Variants in LCORL observed in about 807,000 individuals in gnomAD.
LCORL encodes ligand dependent nuclear receptor corepressor like.
In LCORL, 41 loss-of-function variants were observed where a neutral mutation model predicts 141.8. That is an observed-to-expected ratio of 0.29 (90% CI 0.23 to 0.38). The LOEUF is 0.38. LCORL is among the 10% of genes least tolerant of loss of function. The probability of loss-of-function intolerance (pLI) is 1.00; values close to 1 mark genes in which losing one functional copy is unlikely to be tolerated. For missense variants in LCORL, 1,759 were observed against 2,035.0 expected (o/e 0.86, Z 2.61); for synonymous variants, 618 against 694.1 (o/e 0.89, Z 1.72).
At chr4:17,986,128 T>G (rs1718923369) in intron 1 of LCORL, among the ~76,000 whole-genome samples, 1 of 152,234 alleles carries the variant, frequency 6.6e-6, no homozygotes, top group South Asian at 2.1e-4. Context: ...CTGAGAGGTC[T>G]GCTATTAGCC....
chr4:17,862,746 T>C (rs1321907166), intron 7 of LCORL, among the ~76,000 whole-genome samples: 1 of 152,202 alleles, frequency 6.6e-6, no homozygotes, highest in Non-Finnish European at 1.5e-5. Context: ...AGGACTTCAA[T>C]GTAAAACCTC....
Position 17,878,070 on chromosome 4 carries a change from G to GCATTC in LCORL, c.915_919dup (p.Ala307GlyfsTer23). 8.1e-7 allele frequency: 1 copy of GCATTC among 1,230,552 alleles called. No homozygotes were observed. Among genetic ancestry groups the GCATTC allele is most frequent in the Non-Finnish European group, 1.0e-6 (1 of 986,806 alleles). The allele number at this position is 1,230,552 out of a possible 1,614,324, so 76.2% of individuals were successfully genotyped here. On this transcript the variant is annotated frameshift_variant, in exon 7 of 8. Transcript: ENST00000635767. LOFTEE classifies it high-confidence loss of function. ...TGTATTACAACAGCAAAGAGAAGCA[G>GCATTC]CATTCTGCTCTTGGACTAGAAATTT...
chr4:17,896,528 C>T (rs1416741274), intron 5 of LCORL, among the ~76,000 whole-genome samples: 1 of 152,126 alleles, frequency 6.6e-6, no homozygotes, highest in African/African-American at 2.4e-5. Flanking sequence ...GTGATCCACC[C>T]GCCTTGGCCT....
chr4:17,888,395 G>A (rs1175859528), intron 5 of LCORL, among the ~76,000 whole-genome samples: 2 of 152,060 alleles, frequency 1.3e-5, no homozygotes, highest in African/African-American at 2.4e-5. Flanking sequence ...CAAACCTCAC[G>A]TCTCATTTAT....
At chr4:17,849,037 C>A (rs1429006039) in intron 7 of LCORL, among the ~76,000 whole-genome samples, 1 of 152,274 alleles carries the variant, frequency 6.6e-6, no homozygotes, top group African/African-American at 2.4e-5. Context: ...GAAGCTCGAA[C>A]TGGGTGGAGC....
intron 1 of LCORL, among the ~76,000 whole-genome samples, chr4:17,982,183 G>A (rs1718126917): frequency 6.7e-6 from 1 of 150,214 alleles, no homozygotes; most frequent in African/African-American, 2.5e-5. Context: ...ATCAATGATG[G>A]GCATTTAGGT....
intron 1 of LCORL, among the ~76,000 whole-genome samples, chr4:18,019,492 G>A (rs962436098): frequency 1.3e-5 from 2 of 152,166 alleles, no homozygotes; most frequent in Admixed American, 1.3e-4. Flanking sequence ...CAATAAAAGT[G>A]TAATACAGTA....
At chr4:17,902,980 C>T (rs1269769382) in intron 5 of LCORL, among the ~76,000 whole-genome samples, 1 of 151,966 alleles carries the variant, frequency 6.6e-6, no homozygotes. Flanking sequence ...CACAATGTTC[C>T]ACATGGCATT....
exon 7 of LCORL, chr4:17,875,945 G>A: frequency 2.4e-6 from 3 of 1,231,218 alleles, no homozygotes; most frequent in Non-Finnish European, 3.0e-6. Context: ...AATTTTCAGA[G>A]TTCGCATTTG....
In LCORL at chr4:18,003,022, C is replaced by T. The variant is rs779398436; in HGVS notation, c.154+18576G>A. On this transcript the variant is annotated intron_variant, in intron 1 of 7. Transcript: ENST00000635767. ...AAGAACCAAAGTCCACAGGACAATACATATTTTTTTAAATCGCAATCTGAC... is the reference window on the plus strand; with the variant it reads ...AAGAACCAAAGTCCACAGGACAATATATATTTTTTTAAATCGCAATCTGAC... Among the ~76,000 whole-genome samples, 4 of 152,298 alleles carry T rather than the reference C, an allele frequency of 2.6e-5. No homozygotes were observed. In the East Asian group the frequency reaches 5.8e-4, roughly 22 times the overall value.
intron 4 of LCORL, among the ~76,000 whole-genome samples, chr4:17,955,090 G>A (rs1032007844): frequency 6.6e-6 from 1 of 152,146 alleles, no homozygotes; most frequent in African/African-American, 2.4e-5. Flanking sequence ...GAAGACAGCT[G>A]AGGACTAACT....
intron 4 of LCORL, among the ~76,000 whole-genome samples, chr4:17,930,420 C>A (rs1403069288): frequency 6.6e-6 from 1 of 152,156 alleles, no homozygotes; most frequent in East Asian, 1.9e-4. Context: ...GTAGAAGAGA[C>A]ACAGGAGAAT....
intron 1 of LCORL, among the ~76,000 whole-genome samples, chr4:17,998,166 C>T (rs527740590): frequency 6.6e-6 from 1 of 151,892 alleles, no homozygotes; most frequent in African/African-American, 2.4e-5. Context: ...AATAGTATAC[C>T]TGTATAGGGC....
At chr4:17,941,738 A>G (rs1406958200) in intron 4 of LCORL, among the ~76,000 whole-genome samples, 1 of 152,194 alleles carries the variant, frequency 6.6e-6, no homozygotes, top group Non-Finnish European at 1.5e-5. Context: ...GCAGTCAAGC[A>G]ATTTACTCTA....
At chr4:17,915,767 A>G (rs1183888299) in intron 4 of LCORL, among the ~76,000 whole-genome samples, 1 of 152,246 alleles carries the variant, frequency 6.6e-6, no homozygotes, top group Middle Eastern at 3.2e-3. Flanking sequence ...ATATCTAAGC[A>G]AAGTGTGAAA....
chr4:17,916,208 T>C (rs1023864241), intron 4 of LCORL, among the ~76,000 whole-genome samples: 1 of 152,224 alleles, frequency 6.6e-6, no homozygotes, highest in African/African-American at 2.4e-5. Context: ...TCTCCCCTGC[T>C]ATACAAACTC....
intron 1 of LCORL, among the ~76,000 whole-genome samples, chr4:17,995,473 G>C (rs558711485): frequency 6.6e-6 from 1 of 152,038 alleles, no homozygotes; most frequent in Non-Finnish European, 1.5e-5. Context: ...CCAAGGCTGA[G>C]AAACTCAGCA....
At position 17,921,573 on chromosome 4, in the gene LCORL, G is replaced by A. The variant is rs79091603; in HGVS notation, c.431-12228C>T. Among the ~76,000 whole-genome samples, 1,196 of 152,276 alleles carry A rather than the reference G, an allele frequency of 7.9e-3. 11 individuals carry two copies. The highest frequency in any genetic ancestry group is 0.027 in the African/African-American group (1,128 of 41,538). ...TTGTATATCTCCATCAGAGCTCTTA[G>A]GTAATCAAGTGCATTTTCAGTGAGC... On this transcript the variant is annotated intron_variant, in intron 4 of 7. Transcript: ENST00000635767.
chr4:17,883,026 T>C (rs1204840110), intron 6 of LCORL: 10 of 976,656 alleles, frequency 1.0e-5, no homozygotes, highest in Non-Finnish European at 1.2e-5. Context: ...GTTAACTATG[T>C]GTCAGTTTTT....
Sources: gnomAD v4.1 joint callset for allele counts (sites outside exome capture counted in the v4.1 genomes callset) on GRCh38, gnomAD v4.1.1 for gene constraint, MANE v1.5 for transcripts, NCBI Gene and HGNC (gene_info 2026-07-23, HGNC 2026-07-21) for gene names.